Variants in ADGRA1 observed in about 807,000 individuals in gnomAD.
ADGRA1 encodes adhesion G protein-coupled receptor A1.
Under a neutral mutation model 21.3 loss-of-function variants are expected in ADGRA1, and 12 were observed. The observed-to-expected ratio is 0.56, with a 90% CI of 0.36 to 0.91. The LOEUF is 0.91. Among genes scored for constraint, ADGRA1 ranks in the 40% least tolerant of loss-of-function variants. ADGRA1 has a pLI of 0.01. For missense variants in ADGRA1, 790 were observed against 805.6 expected (o/e 0.98, Z 0.23); for synonymous variants, 385 against 368.8 (o/e 1.04, Z -0.50).
chr10:133,088,736 C>T lies in ADGRA1; in HGVS notation c.-174C>T. On this transcript the variant is annotated 5_prime_UTR_variant, in exon 2 of 7. Transcript: ENST00000392607. ...GGAGCAGCTCCCGGACTGCGCCCGC[C>T]CCGCCGCGGTCACCCTGAGGCCAGG... The T allele has an allele frequency of 1.6e-6, 2 of 1,230,554 alleles. No homozygotes were observed. The highest frequency in any genetic ancestry group is 2.0e-6 in the Non-Finnish European group (2 of 987,488). The allele number at this position is 1,230,554 out of a possible 1,614,324, so 76.2% of individuals were successfully genotyped here. A position where few individuals can be genotyped will look rare whatever the true frequency, so the allele number is the denominator to read the frequency against.
intron 5 of ADGRA1, among the ~76,000 whole-genome samples, chr10:133,108,738 G>A (rs1851935054): frequency 6.6e-6 from 1 of 152,088 alleles, no homozygotes; most frequent in Non-Finnish European, 1.5e-5. Context: ...GCCTCCTGAT[G>A]CCTCCCTCAG....
chr10:133,129,243 G>A lies in ADGRA1; in HGVS notation c.1415G>A (p.Cys472Tyr). The A allele has an allele frequency of 6.5e-7, 1 of 1,549,566 alleles. No homozygotes were observed. The highest frequency in any genetic ancestry group is 8.7e-7 in the Non-Finnish European group (1 of 1,146,900). ...GPAGTHTLACCTQGDPFPMVT... is the reference protein window; with the variant it reads ...GPAGTHTLACYTQGDPFPMVT... ...GCGGGGACACACACGCTGGCCTGCT[G>A]CACCCAGGGCGACCCCTTCCCCATG... Residue 472 changes from cysteine (C) to tyrosine (Y), a missense_variant, in exon 7 of 7, where the codon TGC becomes TAC. Around this residue, in one of 3 missense-constraint regions of ADGRA1, gnomAD observed 391 missense variants for 351.5 expected, o/e 1.11. Transcript: ENST00000392607.
intron 4 of ADGRA1, among the ~76,000 whole-genome samples, chr10:133,101,778 G>A (rs1011246097): frequency 3.9e-5 from 6 of 152,186 alleles, no homozygotes; most frequent in African/African-American, 1.4e-4. Flanking sequence ...CAGGCCGGGG[G>A]AAAGGGTGGA....
chr10:133,097,533 G>A (rs2135870093), intron 3 of ADGRA1, among the ~76,000 whole-genome samples: 1 of 152,326 alleles, frequency 6.6e-6, no homozygotes, highest in East Asian at 1.9e-4. Context: ...GCCAGTCATG[G>A]GCGGGGGTTC....
intron 3 of ADGRA1, 29 bp from the exon 4 acceptor site, chr10:133,098,611 A>G: frequency 6.3e-7 from 1 of 1,597,136 alleles, no homozygotes; most frequent in Non-Finnish European, 8.5e-7. Context: ...GCCTCTGCTC[A>G]TGTGAAACCC....
rs1204487275 is a variant in ADGRA1 at position 133,112,009 on chromosome 10, C to A, written c.401+9167C>A. Among the ~76,000 whole-genome samples the A allele has an allele frequency of 5.4e-5, 7 of 128,574 alleles. 3 individuals are homozygous for A. The highest frequency in any genetic ancestry group is 8.3e-5 in the Non-Finnish European group (5 of 60,442). The allele number at this position is 128,574 out of a possible 152,430, so 84.3% of individuals were successfully genotyped here. A position where few individuals can be genotyped will look rare whatever the true frequency, so the allele number is the denominator to read the frequency against. ...CCTCCTAATGCCTCCAGACCACCTGCCCACCACAGACACCTCCCTCCTAAT... is the reference window on the plus strand; with the variant it reads ...CCTCCTAATGCCTCCAGACCACCTGACCACCACAGACACCTCCCTCCTAAT... On this transcript the variant is annotated intron_variant, in intron 5 of 6. Coordinates refer to ENST00000392607, the MANE Select transcript of ADGRA1 (RefSeq NM_001083909.3).
chr10:133,124,938 C>T (rs1315478446), intron 5 of ADGRA1, among the ~76,000 whole-genome samples: 3 of 152,258 alleles, frequency 2.0e-5, no homozygotes, highest in Non-Finnish European at 4.4e-5. Flanking sequence ...TGCCGGCTCA[C>T]CGGGAAGGAG....
intron 4 of ADGRA1, among the ~76,000 whole-genome samples, chr10:133,100,978 C>T (rs549907134): frequency 4.6e-5 from 7 of 152,208 alleles, no homozygotes; most frequent in East Asian, 1.9e-4. Flanking sequence ...CGACGTTCTC[C>T]GAGCTCCCCG....
chr10:133,104,254 G>A (rs1591173913), intron 5 of ADGRA1, among the ~76,000 whole-genome samples: 2 of 152,350 alleles, frequency 1.3e-5, no homozygotes, highest in Middle Eastern at 3.4e-3. Flanking sequence ...TGCTTCTGCC[G>A]CTGATGGGGG....
At chr10:133,099,938 G>T (rs1851760423) in intron 4 of ADGRA1, among the ~76,000 whole-genome samples, 1 of 152,202 alleles carries the variant, frequency 6.6e-6, no homozygotes, top group Admixed American at 6.5e-5. Flanking sequence ...GGTGTCTGGG[G>T]AGAATCTGAG....
intron 4 of ADGRA1, 98 bp from the exon 5 acceptor site, chr10:133,102,599 C>A: frequency 7.2e-7 from 1 of 1,389,084 alleles, no homozygotes; most frequent in Non-Finnish European, 9.7e-7. Flanking sequence ...TGGCCGCCTG[C>A]CGTTCTCATT....
At chr10:133,118,019 T>C (rs949151359) in intron 5 of ADGRA1, among the ~76,000 whole-genome samples, 3 of 152,216 alleles carry the variant, frequency 2.0e-5, no homozygotes, top group Non-Finnish European at 4.4e-5. Flanking sequence ...ATGAGCCAGC[T>C]GGTCAGGCCA....
chr10:133,124,260 G>A (rs1237814248), intron 5 of ADGRA1, among the ~76,000 whole-genome samples: 7 of 151,452 alleles, frequency 4.6e-5, no homozygotes, highest in South Asian at 4.2e-4. Flanking sequence ...CACCCTCCCC[G>A]GCTCTGCACC....
chr10:133,095,546 G>C, intron 2 of ADGRA1: 1 of 1,342,828 alleles, frequency 7.4e-7, no homozygotes, highest in Non-Finnish European at 9.9e-7. Context: ...TCCTCGTCCC[G>C]GGATGCAGGG....
At chr10:133,101,067 C>T (rs1344117969) in intron 4 of ADGRA1, among the ~76,000 whole-genome samples, 7 of 152,252 alleles carry the variant, frequency 4.6e-5, no homozygotes, top group African/African-American at 1.2e-4. Flanking sequence ...AGGCCAGTTC[C>T]GCATTCCCGC....
chr10:133,126,620 C>A (rs977783049), intron 5 of ADGRA1, among the ~76,000 whole-genome samples: 1 of 152,168 alleles, frequency 6.6e-6, no homozygotes, highest in African/African-American at 2.4e-5. Context: ...GATCCCTGGG[C>A]GCCCTCAGCA....
intron 3 of ADGRA1, among the ~76,000 whole-genome samples, chr10:133,098,290 G>A (rs1418889382): frequency 6.6e-6 from 1 of 152,184 alleles, no homozygotes; most frequent in East Asian, 1.9e-4. Flanking sequence ...CCCATGCTGG[G>A]ACCCAGGGGG....
intron 5 of ADGRA1, among the ~76,000 whole-genome samples, chr10:133,124,830 C>T (rs1216715004): frequency 1.1e-5 from 1 of 90,284 alleles, no homozygotes; most frequent in Non-Finnish European, 2.1e-5. Context: ...CACCCCCTTC[C>T]CCCGGCCCCG....
chr10:133,095,120 G>C (rs897553768), intron 2 of ADGRA1, among the ~76,000 whole-genome samples: 1 of 152,164 alleles, frequency 6.6e-6, no homozygotes, highest in African/African-American at 2.4e-5. Flanking sequence ...CAGTTGGCCG[G>C]GCTGTCCCTG....
Sources: allele counts gnomAD v4.1 joint callset (sites outside exome capture counted in the v4.1 genomes callset), GRCh38; gene constraint gnomAD v4.1.1; regional missense constraint gnomAD v4.1.1; transcripts MANE v1.5; gene names NCBI Gene and HGNC (gene_info 2026-07-23, HGNC 2026-07-21).